The following SPOCK3 variants were observed in gnomAD, a reference collection of about 807,000 sequenced individuals.
The protein encoded by SPOCK3 is testican-3.
Under a neutral mutation model 56.6 loss-of-function variants are expected in SPOCK3, and 30 were observed. The ratio of observed to expected loss-of-function variants is 0.53; its 90% CI spans 0.40 to 0.72. The LOEUF is 0.72. Among genes scored for constraint, SPOCK3 ranks in the 30% least tolerant of loss-of-function variants. The pLI is 0.00. For missense variants in SPOCK3, 527 were observed against 530.0 expected, an observed-to-expected ratio of 0.99 and a Z score of 0.06; for synonymous variants, 196 against 183.3, an observed-to-expected ratio of 1.07 and a Z score of -0.56.
At chr4:167,110,339 A>T (rs1289460419) in intron 2 of SPOCK3, among the ~76,000 whole-genome samples, 2 of 152,130 alleles carry the variant, frequency 1.3e-5, no homozygotes, top group African/African-American at 4.8e-5. Flanking sequence ...AAAGAAAAAG[A>T]AATAAATAAA....
At chr4:166,804,699 C>G (rs976507163) in intron 6 of SPOCK3, among the ~76,000 whole-genome samples, 1 of 152,122 alleles carries the variant, frequency 6.6e-6, no homozygotes, top group Non-Finnish European at 1.5e-5. Flanking sequence ...TCATACTTGC[C>G]TATTGCATAA....
At position 166,834,042 on chromosome 4, in the gene SPOCK3, C is replaced by T. The variant is rs557045617; in HGVS notation, c.590-41753G>A. On this transcript the variant is annotated intron_variant, in intron 6 of 10. Transcript: ENST00000357545. ...GAGCAAAAACGTTTTCCTTCTACTC[C>T]TCCCCAAGAATCAAGAGTTTTTTTC... 1.1e-3 allele frequency among the ~76,000 whole-genome samples: 162 copies of T among 152,260 alleles called. 2 individuals carry two copies. The Middle Eastern group carries it at 0.024, about 22-fold the overall frequency.
intron 2 of SPOCK3, among the ~76,000 whole-genome samples, chr4:167,210,709 A>T (rs1044814170): frequency 6.6e-6 from 1 of 152,168 alleles, no homozygotes; most frequent in East Asian, 1.9e-4. Context: ...CCTGATATTC[A>T]TAATAATCCT....
At chr4:166,860,784 T>C (rs1429614483) in intron 6 of SPOCK3, among the ~76,000 whole-genome samples, 1 of 145,506 alleles carries the variant, frequency 6.9e-6, no homozygotes, top group Non-Finnish European at 1.5e-5. Flanking sequence ...AACACACGTG[T>C]ACATGCACAC....
intron 6 of SPOCK3, among the ~76,000 whole-genome samples, chr4:166,843,652 T>C (rs1345093687): frequency 6.6e-6 from 1 of 152,172 alleles, no homozygotes; most frequent in East Asian, 1.9e-4. Flanking sequence ...CCATGCTTGA[T>C]TGCAGCCTTG....
chr4:166,895,317 A>G (rs2127030265), intron 5 of SPOCK3, among the ~76,000 whole-genome samples: 1 of 152,230 alleles, frequency 6.6e-6, no homozygotes, highest in Non-Finnish European at 1.5e-5. Context: ...GTGTTGTTAA[A>G]AATAATAAAA....
rs1278071067 is a variant in SPOCK3, at chr4:166,750,265, A to G, written c.931+4243T>C. 2.0e-5 allele frequency among the ~76,000 whole-genome samples: 3 copies of G among 152,298 alleles called. No homozygotes were observed. In the East Asian group the frequency reaches 5.8e-4, roughly 29 times the overall value. On this transcript the variant is annotated intron_variant, in intron 8 of 10. Coordinates refer to ENST00000357545, the MANE Select transcript of SPOCK3 (RefSeq NM_001040159.2). ...ATCTATCATTTAAACTCACTTGCAA[A>G]TAACTGATCTAGATAAAAGAATAGT...
At chr4:166,814,354 T>C (rs1744170616) in intron 6 of SPOCK3, among the ~76,000 whole-genome samples, 1 of 152,044 alleles carries the variant, frequency 6.6e-6, no homozygotes, top group South Asian at 2.1e-4. Flanking sequence ...GGTAAAGTAT[T>C]GTTTTTAGGT....
chr4:166,854,175 C>T (rs1394235295), intron 6 of SPOCK3, among the ~76,000 whole-genome samples: 1 of 152,124 alleles, frequency 6.6e-6, no homozygotes, highest in East Asian at 1.9e-4. Flanking sequence ...AGAGTACTGT[C>T]CTACATCAGC....
At chr4:167,111,951 G>A (rs1046192164) in intron 2 of SPOCK3, among the ~76,000 whole-genome samples, 1 of 151,878 alleles carries the variant, frequency 6.6e-6, no homozygotes, top group Non-Finnish European at 1.5e-5. Flanking sequence ...GTAGAGATGA[G>A]GTGTCACTAT....
intron 6 of SPOCK3, among the ~76,000 whole-genome samples, chr4:166,838,033 A>G (rs1344736305): frequency 6.6e-6 from 1 of 152,078 alleles, no homozygotes; most frequent in Non-Finnish European, 1.5e-5. Flanking sequence ...TGTTATGTCC[A>G]TTGCCAAACA....
chr4:166,752,583 C>T (rs1240910516), intron 8 of SPOCK3, among the ~76,000 whole-genome samples: 38 of 19,944 alleles, frequency 1.9e-3, no homozygotes, highest in African/African-American at 0.013. Flanking sequence ...TACACACACA[C>T]ACACACACAC....
At chr4:166,986,900 T>C (rs1711584194) in intron 4 of SPOCK3, among the ~76,000 whole-genome samples, 2 of 152,104 alleles carry the variant, frequency 1.3e-5, no homozygotes, top group African/African-American at 4.8e-5. Flanking sequence ...GTCCATTCTG[T>C]ACACTTGTAC....
chr4:166,966,835 A>G (rs1376041675), intron 4 of SPOCK3, among the ~76,000 whole-genome samples: 1 of 152,134 alleles, frequency 6.6e-6, no homozygotes, highest in Non-Finnish European at 1.5e-5. Flanking sequence ...GAGTTTATAG[A>G]TCACACTTTG....
chr4:167,226,354 C>T (rs1004785927), intron 2 of SPOCK3, among the ~76,000 whole-genome samples: 3 of 152,094 alleles, frequency 2.0e-5, no homozygotes, highest in South Asian at 4.1e-4. Context: ...GCAAGCACTA[C>T]TCAAGCATGT....
chr4:166,990,028 T>G (rs1045727565), intron 4 of SPOCK3, among the ~76,000 whole-genome samples: 4 of 152,158 alleles, frequency 2.6e-5, no homozygotes, highest in African/African-American at 9.6e-5. Flanking sequence ...TAAGCATTAC[T>G]TTTGTTCTGT....
At chr4:166,834,816 C>A (rs1005642767) in intron 6 of SPOCK3, among the ~76,000 whole-genome samples, 13 of 151,974 alleles carry the variant, frequency 8.6e-5, no homozygotes, top group Non-Finnish European at 2.9e-5. Context: ...TCTTTCTCCC[C>A]CATCTTTTTT....
intron 2 of SPOCK3, among the ~76,000 whole-genome samples, chr4:167,125,721 AT>A (rs1762220578): frequency 6.6e-6 from 1 of 152,152 alleles, no homozygotes; most frequent in Admixed American, 6.5e-5. Flanking sequence ...TCTCAAAAAA[AT>A]AAATAAATAA....
At chr4:167,035,031 T>C (rs1752613196) in intron 3 of SPOCK3, among the ~76,000 whole-genome samples, 1 of 152,098 alleles carries the variant, frequency 6.6e-6, no homozygotes, top group South Asian at 2.1e-4. Context: ...TAAACCTTTA[T>C]AGGAACCTAT....
Sources: allele counts gnomAD v4.1 joint callset (sites outside exome capture counted in the v4.1 genomes callset), GRCh38; gene constraint gnomAD v4.1.1; transcripts MANE v1.5; gene names NCBI Gene and HGNC (gene_info 2026-07-23, HGNC 2026-07-21).